The following CLDN10 variants were observed in gnomAD, a reference collection of about 807,000 sequenced individuals.
CLDN10 encodes the protein claudin 10.
A neutral mutation model predicts 22.9 loss-of-function variants in CLDN10; 15 were observed. The observed-to-expected ratio is 0.65, with a 90% CI of 0.44 to 1.01. CLDN10 has a LOEUF of 1.01. CLDN10 is among the 50% of genes least tolerant of loss of function. CLDN10 has a pLI of 0.00. For synonymous variants in CLDN10, 114 were observed against 111.4 expected (o/e 1.02, Z -0.15); for missense variants, 247 against 287.8 (o/e 0.86, Z 1.03).
chr13:95,553,933 C>G (rs910216536), intron 1 of CLDN10, among the ~76,000 whole-genome samples: 1 of 152,190 alleles, frequency 6.6e-6, no homozygotes, highest in Admixed American at 6.5e-5. Context: ...CTGGCAGAAA[C>G]TTAAGAGGAG....
chr13:95,483,118 G>A (rs1290184191), intron 1 of CLDN10, among the ~76,000 whole-genome samples: 1 of 152,244 alleles, frequency 6.6e-6, no homozygotes, highest in Non-Finnish European at 1.5e-5. Context: ...GGGAGCTGCT[G>A]AGGAGGGGAG....
At chr13:95,442,392 C>T (rs1016101424) in intron 1 of CLDN10, among the ~76,000 whole-genome samples, 2 of 152,096 alleles carry the variant, frequency 1.3e-5, no homozygotes, top group African/African-American at 2.4e-5. Context: ...TCCTTTGCTG[C>T]GTGTCTTGTC....
intron 3 of CLDN10, among the ~76,000 whole-genome samples, chr13:95,567,508 A>G (rs1183204100): frequency 6.6e-6 from 1 of 152,188 alleles, no homozygotes; most frequent in African/African-American, 2.4e-5. Context: ...TTATCAGCTT[A>G]AGGAGATTTG....
At chr13:95,558,697 A>G (rs2043667867) in intron 1 of CLDN10, among the ~76,000 whole-genome samples, 1 of 152,224 alleles carries the variant, frequency 6.6e-6, no homozygotes, top group African/African-American at 2.4e-5. Flanking sequence ...AGGCCAAGGC[A>G]AGAGGATCGC....
chr13:95,438,975 CAAAA>C (rs397851895), intron 1 of CLDN10, among the ~76,000 whole-genome samples: 800 of 62,142 alleles, frequency 0.013, 4 homozygotes, highest in African/African-American at 0.035. Context: ...GACTCCATCG[CAAAA>C]AAAAAAAAAA....
chr13:95,448,572 C>T (rs2042403275), intron 1 of CLDN10, among the ~76,000 whole-genome samples: 1 of 152,048 alleles, frequency 6.6e-6, no homozygotes, highest in African/African-American at 2.4e-5. Flanking sequence ...GGCTGCTTAC[C>T]CACACCATGC....
intron 1 of CLDN10, among the ~76,000 whole-genome samples, chr13:95,498,700 C>T (rs750992433): frequency 2.0e-5 from 3 of 152,142 alleles, no homozygotes; most frequent in African/African-American, 4.8e-5. Context: ...CAGCCTATTC[C>T]TCTCCTTTAT....
chr13:95,495,837 A>G (rs1035956903), intron 1 of CLDN10, among the ~76,000 whole-genome samples: 9 of 152,124 alleles, frequency 5.9e-5, no homozygotes, highest in Non-Finnish European at 1.2e-4. Flanking sequence ...GGCAGTAAAT[A>G]TGACGCTTTT....
chr13:95,452,350 C>A (rs570953394), intron 1 of CLDN10, among the ~76,000 whole-genome samples: 1 of 152,102 alleles, frequency 6.6e-6, no homozygotes, highest in Non-Finnish European at 1.5e-5. Context: ...TGAGAAAAAT[C>A]ATAATTTATT....
chr13:95,437,670 A>G (rs765493979), intron 1 of CLDN10, among the ~76,000 whole-genome samples: 3 of 152,144 alleles, frequency 2.0e-5, no homozygotes, highest in Non-Finnish European at 4.4e-5. Flanking sequence ...GAGACTACAG[A>G]TGGTTCGCGA....
At chr13:95,500,116 A>G (rs1241219653) in intron 1 of CLDN10, among the ~76,000 whole-genome samples, 1 of 152,176 alleles carries the variant, frequency 6.6e-6, no homozygotes, top group East Asian at 1.9e-4. Flanking sequence ...ACTGCCTGCT[A>G]TGTGCCAGGC....
intron 3 of CLDN10, among the ~76,000 whole-genome samples, chr13:95,566,998 G>T (rs1245156779): frequency 6.6e-6 from 1 of 152,144 alleles, no homozygotes; most frequent in African/African-American, 2.4e-5. Context: ...TTTGTTATTA[G>T]TACCCTGCTG....
chr13:95,518,559 G>A (rs560542098), intron 1 of CLDN10, among the ~76,000 whole-genome samples: 2 of 151,976 alleles, frequency 1.3e-5, no homozygotes, highest in Admixed American at 6.6e-5. Context: ...AGTTCAAGAC[G>A]AGCCTGGCCA....
At chr13:95,513,034 C>T (rs532817310) in intron 1 of CLDN10, among the ~76,000 whole-genome samples, 1 of 152,098 alleles carries the variant, frequency 6.6e-6, no homozygotes, top group Non-Finnish European at 1.5e-5. Context: ...TGCCACCACA[C>T]CCAGCTAATT....
At chr13:95,550,129 C>T (rs941464904), upstream of CLDN10, among the ~76,000 whole-genome samples, 1 of 152,138 alleles carries the variant, frequency 6.6e-6, no homozygotes, top group East Asian at 1.9e-4. Context: ...TGTGGCGATG[C>T]GGCAGAGAGA....
At chr13:95,484,883 A>AAAAAAG (rs2042788896) in intron 1 of CLDN10, among the ~76,000 whole-genome samples, 1 of 151,030 alleles carries the variant, frequency 6.6e-6, no homozygotes, top group Non-Finnish European at 1.5e-5. Context: ...AAAAAAAAAA[A>AAAAAAG]AAAAAAAAAA....
chr13:95,513,331 A>C (rs894766989), intron 1 of CLDN10, among the ~76,000 whole-genome samples: 3 of 152,216 alleles, frequency 2.0e-5, no homozygotes, highest in Admixed American at 6.5e-5. Flanking sequence ...TGTGATGAAG[A>C]AGAAATTTTA....
intron 1 of CLDN10, among the ~76,000 whole-genome samples, chr13:95,451,865 G>A (rs192099800): frequency 7.2e-5 from 11 of 152,312 alleles, no homozygotes; most frequent in East Asian, 5.8e-4. Flanking sequence ...CCTTGGTGCC[G>A]TTAGCAAGTC....
At chr13:95,562,486 A>G (rs2043728205) in intron 3 of CLDN10, among the ~76,000 whole-genome samples, 1 of 152,354 alleles carries the variant, frequency 6.6e-6, no homozygotes, top group East Asian at 1.9e-4. Flanking sequence ...TCCCCTGCCT[A>G]TAATACAAAA....
Sources: gnomAD v4.1 joint callset for allele counts (sites outside exome capture counted in the v4.1 genomes callset) on GRCh38, gnomAD v4.1.1 for gene constraint, MANE v1.5 for transcripts, NCBI Gene and HGNC (gene_info 2026-07-23, HGNC 2026-07-21) for gene names.